Variants in KAZN observed in about 807,000 individuals in gnomAD.
The protein encoded by KAZN is kazrin.
KAZN carries 40 observed loss-of-function variants against 87.4 expected under a neutral mutation model. The observed-to-expected ratio is 0.46, with a 90% CI of 0.36 to 0.60. The LOEUF is 0.60. Among genes scored for constraint, KAZN ranks in the 20% least tolerant of loss-of-function variants. The pLI, the probability that KAZN is intolerant of heterozygous loss-of-function variation, is 0.00. For synonymous variants in KAZN, 466 were observed against 458.3 expected, an observed-to-expected ratio of 1.02 and a Z score of -0.22; for missense variants, 898 against 1,073.9, an observed-to-expected ratio of 0.84 and a Z score of 2.29.
chr1:14,848,741 A>T (rs980079956), intron 1 of KAZN, among the ~76,000 whole-genome samples: 2 of 152,134 alleles, frequency 1.3e-5, no homozygotes, highest in African/African-American at 2.4e-5. Context: ...TCCATCCCCC[A>T]TGCTATACAT....
chr1:15,104,246 C>A (rs1641217112), intron 13 of KAZN, 57 bp downstream of exon 13: 1 of 1,469,132 alleles, frequency 6.8e-7, no homozygotes, highest in East Asian at 2.5e-5. Context: ...CAGCTCAGGG[C>A]TTTGGAAGCA....
At chr1:14,500,772 TAAAAC>T (rs1670194513) in intron 2 of KAZN, among the ~76,000 whole-genome samples, 1 of 151,968 alleles carries the variant, frequency 6.6e-6, no homozygotes, top group Non-Finnish European at 1.5e-5. Context: ...CCTCATAAAA[TAAAAC>T]AGATTATAAA....
chr1:14,953,897 GC>G (rs1351067779), intron 1 of KAZN, among the ~76,000 whole-genome samples: 2 of 152,154 alleles, frequency 1.3e-5, no homozygotes, highest in Admixed American at 6.5e-5. Context: ...GCACCTCACT[GC>G]CCAGAAGTGT....
chr1:14,239,087 G>C lies in KAZN; in HGVS notation c.249+58495G>C, dbSNP rs1648686782. 2.0e-5 allele frequency among the ~76,000 whole-genome samples: 3 copies of C among 152,248 alleles called. No individual in the cohort carries two copies. In the South Asian group the frequency reaches 6.2e-4, roughly 32 times the overall value. ...CTCTCTTTCTTTCTGGCACAAAATG[G>C]CTGAACTGCATGTTCTCCAGTCAAA... On this transcript the variant is annotated intron_variant, in intron 2 of 16. Coordinates refer to the KAZN transcript ENST00000636203.
intron 1 of KAZN, among the ~76,000 whole-genome samples, chr1:14,013,384 C>A (rs6657087): frequency 0.048 from 7,301 of 152,144 alleles, 528 homozygotes; most frequent in African/African-American, 0.16. Flanking sequence ...TGAAGCCTTG[C>A]GATGAAAACC....
intron 2 of KAZN, among the ~76,000 whole-genome samples, chr1:14,542,461 T>C (rs1209738364): frequency 6.6e-6 from 1 of 152,058 alleles, no homozygotes; most frequent in Non-Finnish European, 1.5e-5. Context: ...AAAAAAGAAC[T>C]AGGGTATAAC....
At chr1:13,982,560 C>T (rs12727135) in intron 1 of KAZN, among the ~76,000 whole-genome samples, 1 of 152,112 alleles carries the variant, frequency 6.6e-6, no homozygotes, top group Non-Finnish European at 1.5e-5. Flanking sequence ...GTTGCCACTG[C>T]TGGCTCGGGC....
chr1:14,017,481 C>T (rs1640624156), intron 1 of KAZN, among the ~76,000 whole-genome samples: 1 of 152,164 alleles, frequency 6.6e-6, no homozygotes, highest in South Asian at 2.1e-4. Context: ...TTTCTATGAC[C>T]CAGTGCATTC....
chr1:14,790,479 A>C (rs1285665766), intron 1 of KAZN, among the ~76,000 whole-genome samples: 3 of 152,212 alleles, frequency 2.0e-5, no homozygotes, highest in Non-Finnish European at 4.4e-5. Flanking sequence ...TTAAGTGTAC[A>C]ATTCAGCGAT....
At chr1:14,504,676 A>T (rs1348335085) in intron 2 of KAZN, among the ~76,000 whole-genome samples, 2 of 152,218 alleles carry the variant, frequency 1.3e-5, no homozygotes, top group Non-Finnish European at 2.9e-5. Context: ...CCCATCTTCC[A>T]GTCAAAGCTT....
chr1:14,712,943 T>C (rs894699108), intron 1 of KAZN, among the ~76,000 whole-genome samples: 2 of 152,214 alleles, frequency 1.3e-5, no homozygotes, highest in African/African-American at 4.8e-5. Context: ...AGATGACACA[T>C]TCCCTATAGA....
intron 1 of KAZN, among the ~76,000 whole-genome samples, chr1:14,605,662 C>G (rs1277225079): frequency 6.6e-6 from 1 of 151,874 alleles, no homozygotes; most frequent in Non-Finnish European, 1.5e-5. Flanking sequence ...GGCCTTCATC[C>G]CCATCATCTT....
chr1:14,470,409 G>A (rs1668392363), intron 2 of KAZN, among the ~76,000 whole-genome samples: 1 of 152,134 alleles, frequency 6.6e-6, no homozygotes, highest in Non-Finnish European at 1.5e-5. Flanking sequence ...AAGAGGAAGG[G>A]AAACTAACCA....
chr1:14,512,013 G>A (rs907424440), intron 2 of KAZN, among the ~76,000 whole-genome samples: 4 of 152,160 alleles, frequency 2.6e-5, no homozygotes, highest in African/African-American at 7.2e-5. Flanking sequence ...GGTCAGGATG[G>A]AATTCTTCTG....
chr1:14,789,779 A>G (rs1357091909), intron 1 of KAZN, among the ~76,000 whole-genome samples: 1 of 149,658 alleles, frequency 6.7e-6, no homozygotes, highest in Non-Finnish European at 1.5e-5. Flanking sequence ...AAAAAAAAAA[A>G]AAAAAAAAAA....
At chr1:14,277,807 T>C (rs78368522) in intron 2 of KAZN, among the ~76,000 whole-genome samples, 6,235 of 152,192 alleles carry the variant, frequency 0.041, 155 homozygotes, top group Middle Eastern at 0.071. Flanking sequence ...TTTGGAGCAA[T>C]TCCTGGATAT....
intron 2 of KAZN, among the ~76,000 whole-genome samples, chr1:14,206,737 C>A (rs1407868784): frequency 6.8e-6 from 1 of 146,238 alleles, no homozygotes; most frequent in Non-Finnish European, 1.5e-5. Flanking sequence ...TTCTGAGAAG[C>A]ACTCGTGAGC....
At position 14,184,656 on chromosome 1, in the gene KAZN, G is replaced by A. The variant is rs1250086716; in HGVS notation, c.249+4064G>A. 6.6e-6 allele frequency among the ~76,000 whole-genome samples: 1 copy of A among 152,008 alleles called. No homozygotes were observed. Among genetic ancestry groups the A allele is most frequent in the Non-Finnish European group, 1.5e-5 (1 of 68,010 alleles). On this transcript the variant is annotated intron_variant, in intron 2 of 16. Coordinates refer to the KAZN transcript ENST00000636203. This position sits in a 1 kb window ranked among gnomAD's most constrained non-coding sequence, Gnocchi z 4.2. ...GTCTAGCAAACTCTTCTAGATGATT[G>A]TGCTTTCCAATTGGTTTCTGGCAAA...
chr1:13,936,095 A>ATTTTTTTTTTTTTTTTTT (rs1557731876), intron 1 of KAZN, among the ~76,000 whole-genome samples: 1 of 32,908 alleles, frequency 3.0e-5, no homozygotes, highest in Non-Finnish European at 6.5e-5. Flanking sequence ...GTACAAGTGC[A>ATTTTTTTTTTTTTTTTTT]GTTTTTTTTT....
Sources: allele counts gnomAD v4.1 joint callset (sites outside exome capture counted in the v4.1 genomes callset), GRCh38; gene constraint gnomAD v4.1.1; non-coding constraint Gnocchi (gnomAD v3.1); transcripts MANE v1.5; gene names NCBI Gene and HGNC (gene_info 2026-07-23, HGNC 2026-07-21).